Variants in BLM observed in about 807,000 individuals in gnomAD.
BLM encodes BLM RecQ like helicase, also known as recQ-like DNA helicase BLM.
In BLM, 95 loss-of-function variants were observed where a neutral mutation model predicts 135.3. That is an observed-to-expected ratio of 0.70 (90% CI 0.59 to 0.83). The LOEUF is 0.83. BLM is among the 40% of genes least tolerant of loss of function. BLM has a pLI of 0.00. For synonymous variants in BLM, 520 were observed against 589.2 expected (o/e 0.88, Z 1.70); for missense variants, 1,518 against 1,663.9 (o/e 0.91, Z 1.53).
intron 15 of BLM, among the ~76,000 whole-genome samples, chr15:90,793,304 T>G (rs1896952167): frequency 6.6e-6 from 1 of 152,036 alleles, no homozygotes; most frequent in Admixed American, 6.5e-5. Flanking sequence ...CCAGCTAATT[T>G]TTGTATTCTT....
intron 14 of BLM, among the ~76,000 whole-genome samples, chr15:90,789,781 T>A (rs1375366130): frequency 6.6e-6 from 1 of 152,168 alleles, no homozygotes; most frequent in Non-Finnish European, 1.5e-5. Flanking sequence ...CAATTCATTT[T>A]TTTAAGTGCT....
At chr15:90,759,731 C>A (rs1017094602) in intron 5 of BLM, among the ~76,000 whole-genome samples, 2 of 151,828 alleles carry the variant, frequency 1.3e-5, no homozygotes, top group African/African-American at 4.8e-5. Flanking sequence ...CTCAGCCTCC[C>A]GAGTAGCTGG....
At chr15:90,759,447 G>T (rs931688102) in intron 5 of BLM, among the ~76,000 whole-genome samples, 6 of 151,538 alleles carry the variant, frequency 4.0e-5, no homozygotes, top group Non-Finnish European at 4.4e-5. Context: ...GTGTTGTGTT[G>T]CTGGGCACAG....
intron 1 of BLM, among the ~76,000 whole-genome samples, chr15:90,735,330 TATC>T (rs758666958): frequency 3.2e-4 from 47 of 148,710 alleles, no homozygotes; most frequent in Non-Finnish European, 5.9e-4. Flanking sequence ...TCAATATAAA[TATC>T]AACAGAGTTC....
chr15:90,815,007 G>C lies in BLM; in HGVS notation c.4077-95G>C, dbSNP rs969883608. The stretch of plus-strand genomic sequence containing the variant: ...AATGCACAAGGACACATTAGGCCCA[G>C]GGAAGTGGTATTGTAGCTCTGTGCA... On this transcript the variant is annotated intron_variant, in intron 21 of 21. Transcript: ENST00000355112. The surrounding 1 kb of genome is among the most constrained non-coding windows in gnomAD (Gnocchi z 4.6). 4 of 1,294,898 alleles carry C rather than the reference G, an allele frequency of 3.1e-6. No individual in the cohort carries two copies. The African/African-American group carries it at 4.4e-5, about 14-fold the overall frequency. 80.2% of individuals were successfully genotyped at this position (1,294,898 alleles called of 1,614,324 possible). A position where few individuals can be genotyped will look rare whatever the true frequency, so the allele number is the denominator to read the frequency against.
intron 17 of BLM, among the ~76,000 whole-genome samples, chr15:90,798,969 G>A (rs753180099): frequency 1.3e-4 from 20 of 151,262 alleles, no homozygotes; most frequent in Non-Finnish European, 2.5e-4. Context: ...GGCAACAAGA[G>A]TGAAACTGTG....
At chr15:90,807,470 G>A (rs1476850100) in intron 19 of BLM, among the ~76,000 whole-genome samples, 1 of 152,126 alleles carries the variant, frequency 6.6e-6, no homozygotes, top group Non-Finnish European at 1.5e-5. Context: ...GTTGAACACA[G>A]CTCACTGCAG....
In BLM at chr15:90,741,972, G is replaced by A. The variant is rs755993122; in HGVS notation, c.-4-5417G>A. On this transcript the variant is annotated intron_variant, in intron 1 of 21. Transcript: ENST00000355112. Reference sequence around the variant, plus strand: ...TTAGACATGGTTTGAGTTTTATTAGGTGCCTTTTCAAAAATGCATTGATAA... The same window carrying A: ...TTAGACATGGTTTGAGTTTTATTAGATGCCTTTTCAAAAATGCATTGATAA... Among the ~76,000 whole-genome samples, 89 of 152,072 alleles carry A rather than the reference G, an allele frequency of 5.9e-4. 1 individual carries two copies. Among genetic ancestry groups the A allele is most frequent in the African/African-American group, 2.0e-3 (84 of 41,404 alleles).
At chr15:90,786,671 A>C (rs1169554102) in intron 14 of BLM, among the ~76,000 whole-genome samples, 1 of 152,174 alleles carries the variant, frequency 6.6e-6, no homozygotes, top group African/African-American at 2.4e-5. Flanking sequence ...GCTGGAGTGC[A>C]GTGGCGCAAT....
chr15:90,748,525 A>G (rs1284058147), intron 2 of BLM, among the ~76,000 whole-genome samples: 2 of 152,186 alleles, frequency 1.3e-5, no homozygotes, highest in Non-Finnish European at 2.9e-5. Context: ...ATATCTAATA[A>G]TAATTTATAT....
At chr15:90,811,441 C>A in intron 21 of BLM, 35 bp downstream of exon 21, 1 of 1,604,912 alleles carries the variant, frequency 6.2e-7, no homozygotes, top group Non-Finnish European at 8.5e-7. Context: ...ATATAGGGAA[C>A]AAGGGAAGAA....
At chr15:90,777,050 C>T (rs988705596) in intron 12 of BLM, among the ~76,000 whole-genome samples, 1 of 151,906 alleles carries the variant, frequency 6.6e-6, no homozygotes, top group African/African-American at 2.4e-5. Flanking sequence ...ACTATGTTGC[C>T]CAGGCTGGTC....
At position 90,749,950 on chromosome 15, in the gene BLM, T is replaced by C; in HGVS notation, c.682T>C (p.Ser228Pro). The change falls in exon 3 of 22, where the codon TCA becomes CCA. Residue 228 changes from serine to proline, a missense_variant. Coordinates refer to ENST00000355112, the MANE Select transcript of BLM (RefSeq NM_000057.4). ...TTTGACTGAGGAACAGAAGGATGACTCAGAATGGTTAAGCAGCGATGTGAT... is the reference window on the plus strand; with the variant it reads ...TTTGACTGAGGAACAGAAGGATGACCCAGAATGGTTAAGCAGCGATGTGAT... ...IDLTEEQKDD[S>P]EWLSSDVICI... is the part of the protein sequence containing the mutation. The C allele has an allele frequency of 6.2e-7, 1 of 1,614,204 alleles. No individual in the cohort carries two copies. The highest frequency in any genetic ancestry group is 2.2e-5 in the East Asian group (1 of 44,888).
intron 13 of BLM, 141 bp downstream of exon 13, chr15:90,783,069 C>A: frequency 1.5e-6 from 1 of 664,346 alleles, no homozygotes; most frequent in Non-Finnish European, 2.7e-6. Context: ...CAGACTATTG[C>A]AACTCTCTCA....
At chr15:90,788,222 T>C (rs561874545) in intron 14 of BLM, among the ~76,000 whole-genome samples, 47 of 152,204 alleles carry the variant, frequency 3.1e-4, no homozygotes, top group African/African-American at 1.1e-3. Flanking sequence ...AACAGATAAG[T>C]GTGTTATAAA....
chr15:90,798,409 C>G (rs1897085482), intron 17 of BLM, 72 bp downstream of exon 17: 1 of 1,487,612 alleles, frequency 6.7e-7, no homozygotes, highest in Admixed American at 2.0e-5. Context: ...ATTACAAGTA[C>G]ATAGAAAAAC....
At chr15:90,764,874 G>C (rs1896080679) in intron 8 of BLM, among the ~76,000 whole-genome samples, 1 of 152,042 alleles carries the variant, frequency 6.6e-6, no homozygotes, top group Non-Finnish European at 1.5e-5. Flanking sequence ...CTGAGGTCAG[G>C]AGTTCAAGAC....
At chr15:90,752,565 A>G (rs1428364111) in intron 4 of BLM, among the ~76,000 whole-genome samples, 1 of 152,200 alleles carries the variant, frequency 6.6e-6, no homozygotes, top group Non-Finnish European at 1.5e-5. Context: ...CTAACCCATT[A>G]TATGGGAAGT....
At chr15:90,730,674 C>T (rs1277127800) in intron 1 of BLM, among the ~76,000 whole-genome samples, 2 of 152,144 alleles carry the variant, frequency 1.3e-5, no homozygotes, top group Non-Finnish European at 2.9e-5. Flanking sequence ...TCTCGAACTC[C>T]TGACCTTGTG....
Sources: gnomAD v4.1 joint callset for allele counts (sites outside exome capture counted in the v4.1 genomes callset) on GRCh38, gnomAD v4.1.1 for gene constraint, Gnocchi (gnomAD v3.1) non-coding constraint, MANE v1.5 for transcripts, NCBI Gene and HGNC (gene_info 2026-07-23, HGNC 2026-07-21) for gene names.